Variants in CHID1 observed in about 807,000 individuals in gnomAD.
CHID1 encodes chitinase domain-containing protein 1.
Under a neutral mutation model 55.4 loss-of-function variants are expected in CHID1, and 44 were observed. The ratio of observed to expected loss-of-function variants is 0.79; its 90% CI spans 0.62 to 1.02. The LOEUF (loss-of-function observed/expected upper bound fraction) is 1.02. Ranked by LOEUF, CHID1 falls within the 50% of genes least tolerant of loss-of-function variation. The probability of loss-of-function intolerance (pLI) is 0.00; values close to 1 mark genes in which losing one functional copy is unlikely to be tolerated. For missense variants in CHID1, 491 were observed against 515.3 expected, an observed-to-expected ratio of 0.95 and a Z score of 0.46; for synonymous variants, 216 against 212.9, an observed-to-expected ratio of 1.01 and a Z score of -0.13.
rs189311213 is a variant in CHID1, at chr11:885,716, C to T, written c.702-1547G>A. On this transcript the variant is annotated intron_variant, in intron 8 of 12. Transcript: ENST00000323578. ...GAGGCCTCCACCCAGGTCCTCTCAC[C>T]GAAACCCAAGATCATTTCTTTTTTA... Among the ~76,000 whole-genome samples, 84 of 152,272 alleles carry T rather than the reference C, an allele frequency of 5.5e-4. 1 individual carries two copies. Among genetic ancestry groups the T allele is most frequent in the African/African-American group, 1.2e-3 (50 of 41,552 alleles).
chr11:899,446 G>A, intron 6 of CHID1, 45 bp from the exon 7 acceptor site: 1 of 1,545,362 alleles, frequency 6.5e-7, no homozygotes, highest in Non-Finnish European at 8.8e-7. Context: ...AGGCCCAGGA[G>A]GGATGGGTGG....
chr11:914,445 G>A (rs755460157), upstream of CHID1: 37 of 1,034,818 alleles, frequency 3.6e-5, no homozygotes, highest in South Asian at 2.8e-4. Context: ...GGGGCAGGCC[G>A]GTGGGGTGAG....
At position 869,761 on chromosome 11, in the gene CHID1, G is replaced by C; in HGVS notation, c.*97C>G. On this transcript the variant is annotated 3_prime_UTR_variant, in exon 13 of 13. Transcript: ENST00000323578. ...CCCGACTGAGGACTGCAGCAGACCC[G>C]TCACAGCAAACGGAGTGGAGGCCTG... 3 of 1,112,918 alleles carry C rather than the reference G, an allele frequency of 2.7e-6. No homozygotes were observed. Among genetic ancestry groups the C allele is most frequent in the South Asian group, 2.6e-5 (2 of 77,162 alleles). 68.9% of individuals were successfully genotyped at this position (1,112,918 alleles called of 1,614,324 possible). A position where few individuals can be genotyped will look rare whatever the true frequency, so the allele number is the denominator to read the frequency against.
chr11:902,508 C>CTGG (rs1461991343), intron 3 of CHID1, among the ~76,000 whole-genome samples, 178 bp from the exon 4 acceptor site: 1 of 152,218 alleles, frequency 6.6e-6, no homozygotes, highest in Non-Finnish European at 1.5e-5. Flanking sequence ...GACTGCCACT[C>CTGG]ACAGCCTGGG....
chr11:908,682 A>C, intron 1 of CHID1: 3 of 891,476 alleles, frequency 3.4e-6, no homozygotes, highest in Non-Finnish European at 4.0e-6. Flanking sequence ...GAAAAACCAA[A>C]CGGTGGTTCT....
In CHID1 at chr11:868,233, G is replaced by A. The variant is rs2134088785; in HGVS notation, c.*1625C>T. 1 of 152,002 alleles carries A rather than the reference G, an allele frequency of 6.6e-6. No individual in the cohort carries two copies. Among genetic ancestry groups the A allele is most frequent in the East Asian group, 1.9e-4 (1 of 5,162 alleles). The allele number at this position is 152,002 out of a possible 1,614,324, so 9.4% of individuals were successfully genotyped here. A position where few individuals can be genotyped will look rare whatever the true frequency, so the allele number is the denominator to read the frequency against. ...TTGAATGTTAGCGTCAGCACCTCTG[G>A]GGAGACAAGGTCAGTGCCCCAAAGC... On this transcript the variant is annotated 3_prime_UTR_variant, in exon 13 of 13. Coordinates refer to ENST00000323578, the MANE Select transcript of CHID1 (RefSeq NM_023947.4).
At chr11:881,014 G>A (rs1589833798) in intron 10 of CHID1, among the ~76,000 whole-genome samples, 1 of 152,210 alleles carries the variant, frequency 6.6e-6, no homozygotes, top group Non-Finnish European at 1.5e-5. Context: ...AGGAAAAGCA[G>A]CCTCCTGAAA....
At chr11:871,033 C>T (rs1158872043) in intron 10 of CHID1, among the ~76,000 whole-genome samples, 8 of 148,778 alleles carry the variant, frequency 5.4e-5, no homozygotes, top group Admixed American at 4.7e-4. Flanking sequence ...CTCTGTCGCC[C>T]AGGCTGGTGT....
rs1323561385 is a variant in CHID1 at position 893,518 on chromosome 11, C to T, written c.610G>A (p.Gly204Ser). 6.5e-7 allele frequency: 1 copy of T among 1,548,148 alleles called. No individual in the cohort carries two copies. The highest frequency in any genetic ancestry group is 1.4e-5 in the African/African-American group (1 of 73,184). Reference sequence around the variant, plus strand: ...AAGTGGGTGAGCATGTGGATGAGGCCCCTGCAAGAACCGAGAGATGGGGTC... The same window carrying T: ...AAGTGGGTGAGCATGTGGATGAGGCTCCTGCAAGAACCGAGAGATGGGGTC... ...WNQLLSQKRV[G>S]LIHMLTHLAE... The change falls in exon 8 of 13, where the codon GGC becomes AGC. Residue 204 changes from glycine to serine, a missense_variant and splice_region_variant. By Grantham distance (56) the Gly-to-Ser change is moderately conservative (BLOSUM62 0). Coordinates refer to ENST00000323578, the MANE Select transcript of CHID1 (RefSeq NM_023947.4).
intron 10 of CHID1, among the ~76,000 whole-genome samples, chr11:871,022 A>C (rs1589812712): frequency 2.3e-5 from 3 of 128,364 alleles, no homozygotes; most frequent in East Asian, 2.2e-4. Context: ...ACGGAGTCTC[A>C]CTCTGTCGCC....
At chr11:890,608 G>A (rs1431234517) in intron 8 of CHID1, among the ~76,000 whole-genome samples, 1 of 152,240 alleles carries the variant, frequency 6.6e-6, no homozygotes, top group Non-Finnish European at 1.5e-5. Flanking sequence ...GAAAACACAA[G>A]GGGCCAACTA....
At chr11:904,965 A>T in intron 1 of CHID1, 106 bp from the exon 2 acceptor site, 1 of 1,201,766 alleles carries the variant, frequency 8.3e-7, no homozygotes. Context: ...CTGGGTCCTC[A>T]TGGCACTGGA....
At chr11:912,654 T>C (rs905030314), upstream of CHID1, among the ~76,000 whole-genome samples, 88 of 151,920 alleles carry the variant, frequency 5.8e-4, no homozygotes, top group Non-Finnish European at 1.1e-3. Flanking sequence ...ACCATCCTGA[T>C]TAACACGGTG....
At position 900,068 on chromosome 11, in the gene CHID1, C is replaced by T. The variant is rs765458236; in HGVS notation, c.482G>A (p.Arg161Gln). The change falls in exon 6 of 13, where the codon CGG becomes CAG. Residue 161 changes from arginine (R) to glutamine (Q), a missense_variant. Physicochemically the swap from Arg to Gln is conservative, Grantham distance 43 (BLOSUM62 1). Coordinates refer to ENST00000323578, the MANE Select transcript of CHID1 (RefSeq NM_023947.4). Reference protein sequence around the residue: ...LFEDWTYDDFRNVLDSEDEIE... With the variant: ...LFEDWTYDDFQNVLDSEDEIE... Reference sequence around the variant, plus strand: ...CTCATCCTCACTGTCTAAGACGTTCCGGAAATCATCGTAAGTCCAGTCCTC... The same window carrying T: ...CTCATCCTCACTGTCTAAGACGTTCTGGAAATCATCGTAAGTCCAGTCCTC... The T allele has an allele frequency of 8.7e-6, 14 of 1,613,918 alleles. No individual in the cohort carries two copies. The highest frequency in any genetic ancestry group is 6.6e-5 in the South Asian group (6 of 91,082).
chr11:869,797 C>T lies in CHID1; in HGVS notation c.*61G>A. The T allele has an allele frequency of 1.4e-6, 2 of 1,456,354 alleles. No homozygotes were observed. The highest frequency in any genetic ancestry group is 2.3e-5 in the South Asian group (2 of 87,760). The allele number at this position is 1,456,354 out of a possible 1,614,324, so 90.2% of individuals were successfully genotyped here. ...CGGAGTGGAGGCCTGTATTTCACACCTGCTCACTCACTCCATGGCTTAGAA... is the reference window on the plus strand; with the variant it reads ...CGGAGTGGAGGCCTGTATTTCACACTTGCTCACTCACTCCATGGCTTAGAA... On this transcript the variant is annotated 3_prime_UTR_variant, in exon 13 of 13. Coordinates refer to ENST00000323578, the MANE Select transcript of CHID1 (RefSeq NM_023947.4).
At chr11:914,019 G>A (rs1407980818), upstream of CHID1, among the ~76,000 whole-genome samples, 5 of 150,310 alleles carry the variant, frequency 3.3e-5, no homozygotes, top group East Asian at 9.7e-4. Flanking sequence ...AATGAGCCGA[G>A]ATCGCGCCAC....
At position 900,065 on chromosome 11, in the gene CHID1, T is replaced by C. The variant is rs1851692588; in HGVS notation, c.485A>G (p.Asn162Ser). 1.2e-6 allele frequency: 2 copies of C among 1,614,068 alleles called. No individual in the cohort carries two copies. Among genetic ancestry groups the C allele is most frequent in the Non-Finnish European group, 1.7e-6 (2 of 1,179,990 alleles). Residue 162 changes from asparagine to serine, a missense_variant, in exon 6 of 13, where the codon AAC becomes AGC. Physicochemically the swap from Asn to Ser is conservative, Grantham distance 46. Coordinates refer to ENST00000323578, the MANE Select transcript of CHID1 (RefSeq NM_023947.4). ...FEDWTYDDFR[N>S]VLDSEDEIEE... ...TATCTCATCCTCACTGTCTAAGACG[T>C]TCCGGAAATCATCGTAAGTCCAGTC...
chr11:914,416 G>C (rs1184462394), upstream of CHID1: 3 of 772,012 alleles, frequency 3.9e-6, no homozygotes, highest in East Asian at 1.3e-4. Context: ...CGTGGGCATG[G>C]GGGGGACAGA....
chr11:902,132 C>T, intron 4 of CHID1, 66 bp downstream of exon 4: 1 of 1,595,580 alleles, frequency 6.3e-7, no homozygotes, highest in East Asian at 2.2e-5. Flanking sequence ...ACACACACCC[C>T]TGCTCTCGCA....
Sources: allele counts gnomAD v4.1 joint callset (sites outside exome capture counted in the v4.1 genomes callset), GRCh38; gene constraint gnomAD v4.1.1; transcripts MANE v1.5; gene names NCBI Gene and HGNC (gene_info 2026-07-23, HGNC 2026-07-21).